Variants in POLR1C observed in about 807,000 individuals in gnomAD.
The protein encoded by POLR1C is RNA polymerase I and III subunit C, also known as DNA-directed RNA polymerases I and III subunit RPAC1.
A neutral mutation model predicts 38.3 loss-of-function variants in POLR1C; 42 were observed. The observed-to-expected ratio is 1.10, with a 90% CI of 0.86 to 1.42. The LOEUF (loss-of-function observed/expected upper bound fraction) is 1.42, where lower values mean the gene tolerates loss of function less well. Ranked by LOEUF, POLR1C falls within the 40% of genes most tolerant of loss-of-function variation. POLR1C has a pLI of 0.00. For missense variants in POLR1C, 507 were observed against 450.5 expected, an observed-to-expected ratio of 1.13 and a Z score of -1.14; for synonymous variants, 163 against 163.9, an observed-to-expected ratio of 0.99 and a Z score of 0.04.
chr6:43,551,237 A>G, intron 10 of POLR1C: 1 of 1,472,862 alleles, frequency 6.8e-7, no homozygotes, highest in Non-Finnish European at 9.0e-7. Flanking sequence ...AAAAAATAAA[A>G]TAAATAAAAA....
At chr6:43,523,831 A>T, downstream of POLR1C, 1 of 1,613,914 alleles carries the variant, frequency 6.2e-7, no homozygotes, top group East Asian at 2.2e-5. Flanking sequence ...AGAAGAGATG[A>T]CAAGAAAGGC....
downstream of POLR1C, chr6:43,525,152 G>A (rs374935223): frequency 3.2e-6 from 5 of 1,584,198 alleles, no homozygotes; most frequent in African/African-American, 6.7e-5. Flanking sequence ...TCCTCTGGCA[G>A]GACAGAGTAT....
chr6:43,519,857 G>A lies in POLR1C; in HGVS notation c.382+19G>A. On this transcript the variant is annotated intron_variant, in intron 4 of 8. Transcript: ENST00000642195. ...AACCAAGGTGAGAAAATGAAATTTTGGGAGAAGTGGACTATCTGGGTTCAA... is the reference window on the plus strand; with the variant it reads ...AACCAAGGTGAGAAAATGAAATTTTAGGAGAAGTGGACTATCTGGGTTCAA... The A allele has an allele frequency of 6.2e-7, 1 of 1,610,762 alleles. No homozygotes were observed. The highest frequency in any genetic ancestry group is 1.3e-5 in the African/African-American group (1 of 75,012).
At chr6:43,524,674 G>T, downstream of POLR1C, 1 of 1,601,490 alleles carries the variant, frequency 6.2e-7, no homozygotes, top group Non-Finnish European at 8.5e-7. Context: ...ATGTAGGTTT[G>T]GATATTGCCA....
chr6:43,524,053 G>A (rs1793372880), downstream of POLR1C: 2 of 1,594,330 alleles, frequency 1.3e-6, no homozygotes, highest in Admixed American at 1.7e-5. Flanking sequence ...CTCAGTAGTA[G>A]TTAAAAGATT....
At chr6:43,531,051 G>A (rs1193770891), downstream of POLR1C, among the ~76,000 whole-genome samples, 4 of 152,184 alleles carry the variant, frequency 2.6e-5, no homozygotes, top group Non-Finnish European at 5.9e-5. Context: ...TACAATGGAC[G>A]ATCTCATTAG....
At chr6:43,539,598 G>T in intron 9 of POLR1C, 2 of 1,381,698 alleles carry the variant, frequency 1.4e-6, no homozygotes, top group Non-Finnish European at 2.0e-6. Flanking sequence ...CTGCGACCCC[G>T]GCCCCGGATG....
intron 1 of POLR1C, 48 bp from the exon 2 acceptor site, chr6:43,517,258 C>G (rs939391313): frequency 1.2e-6 from 2 of 1,604,510 alleles, no homozygotes; most frequent in Non-Finnish European, 8.5e-7. Flanking sequence ...GTGGGGATAG[C>G]TGTGGGCTCA....
chr6:43,527,650 T>G, intron 8 of POLR1C: 1 of 1,613,978 alleles, frequency 6.2e-7, no homozygotes, highest in Non-Finnish European at 8.5e-7. Context: ...GGTCCATGAC[T>G]TCTCGGGTTA....
intron 9 of POLR1C, chr6:43,546,563 T>C (rs761017927): frequency 2.5e-5 from 40 of 1,597,310 alleles, no homozygotes; most frequent in Non-Finnish European, 3.2e-5. Flanking sequence ...GCCATTATTC[T>C]GACTCACCTT....
intron 9 of POLR1C, chr6:43,548,200 G>A: frequency 6.7e-7 from 1 of 1,485,298 alleles, no homozygotes; most frequent in Non-Finnish European, 9.0e-7. Flanking sequence ...CCTGGGCCTA[G>A]CTCTTAAACC....
chr6:43,519,776 C>G lies in POLR1C; in HGVS notation c.320C>G (p.Ala107Gly), dbSNP rs768504768. The change falls in exon 4 of 9, where the codon GCT becomes GGT. Residue 107 changes from alanine to glycine, a missense_variant. Transcript: ENST00000642195. ...NTSIVQDEIL[A>G]HRLGLIPIHA... ...TCCATTGTTCAGGATGAGATTCTTG[C>G]TCACCGTCTGGGGCTCATTCCCATT... The G allele has an allele frequency of 1.2e-6, 2 of 1,614,096 alleles. No individual in the cohort carries two copies. The highest frequency in any genetic ancestry group is 8.5e-7 in the Non-Finnish European group (1 of 1,179,988).
rs1433384738 is a variant in POLR1C at position 43,519,716 on chromosome 6, T to C, written c.260T>C (p.Met87Thr). ...RRILLAEVPT[M>T]AVEKVLVYNN... ...TTTTTCCTTGGGCAGGTGCCAACTA[T>C]GGCTGTGGAGAAGGTCCTGGTGTAC... Residue 87 changes from methionine to threonine, a missense_variant, in exon 4 of 9, where the codon ATG becomes ACG. Physicochemically the swap from Met to Thr is moderately conservative, Grantham distance 81. Transcript: ENST00000642195. The C allele has an allele frequency of 6.2e-7, 1 of 1,614,166 alleles. No homozygotes were observed. Among genetic ancestry groups the C allele is most frequent in the Non-Finnish European group, 8.5e-7 (1 of 1,180,014 alleles).
downstream of POLR1C, among the ~76,000 whole-genome samples, chr6:43,524,180 C>T (rs182385608): frequency 7.4e-4 from 112 of 152,110 alleles, no homozygotes; most frequent in Admixed American, 3.5e-3. Context: ...GGAGAAACCC[C>T]GTCTCTACTA....
chr6:43,561,802 T>A (rs1762430750), exon 11 of POLR1C: 1 of 155,444 alleles, frequency 6.4e-6, no homozygotes, highest in African/African-American at 2.4e-5. Flanking sequence ...AGACTGAGTA[T>A]TAAATATTTC....
intron 9 of POLR1C, among the ~76,000 whole-genome samples, chr6:43,537,791 G>C (rs1398788280): frequency 2.0e-5 from 3 of 152,164 alleles, no homozygotes; most frequent in African/African-American, 7.2e-5. Flanking sequence ...AGAGGGCCAG[G>C]CATGGTAGCT....
At chr6:43,538,596 G>A (rs183233237) in intron 9 of POLR1C, among the ~76,000 whole-genome samples, 243 of 152,270 alleles carry the variant, frequency 1.6e-3, no homozygotes, top group African/African-American at 5.5e-3. Context: ...CAATGGAAAT[G>A]TGGTTATATT....
chr6:43,561,156 C>CACTT lies in POLR1C; in HGVS notation c.*49-243_*49-240dup, dbSNP rs1360731781. 6 of 640,124 alleles carry CACTT rather than the reference C, an allele frequency of 9.4e-6. No homozygotes were observed. The East Asian group carries it at 1.6e-4, about 17-fold the overall frequency. The allele number at this position is 640,124 out of a possible 1,614,324, so 39.7% of individuals were successfully genotyped here. A position where few individuals can be genotyped will look rare whatever the true frequency, so the allele number is the denominator to read the frequency against. On this transcript the variant is annotated intron_variant, in intron 10 of 10. Transcript: ENST00000607635. ...TTTCCTTTTGGCTAAAGAAAGGCAT[C>CACTT]ACTTCAAGGGCTAAAATATAGGTTA...
At chr6:43,525,231 G>A, downstream of POLR1C, 1 of 1,559,680 alleles carries the variant, frequency 6.4e-7, no homozygotes, top group Non-Finnish European at 8.7e-7. Context: ...AGGAAAAGAT[G>A]AAGAGTTACA....
Sources: allele counts gnomAD v4.1 joint callset (sites outside exome capture counted in the v4.1 genomes callset), GRCh38; gene constraint gnomAD v4.1.1; transcripts MANE v1.5; gene names NCBI Gene and HGNC (gene_info 2026-07-23, HGNC 2026-07-21).